CPOX: variants seen among roughly 807,000 people sequenced by gnomAD.
CPOX encodes coproporphyrinogen oxidase, also known as oxygen-dependent coproporphyrinogen-III oxidase, mitochondrial.
In CPOX, 24 loss-of-function variants were observed where a neutral mutation model predicts 48.9. That is an observed-to-expected ratio of 0.49 (90% CI 0.36 to 0.69). The LOEUF (loss-of-function observed/expected upper bound fraction) is 0.69. Ranked by LOEUF, CPOX falls within the 30% of genes least tolerant of loss-of-function variation. The pLI is 0.00. For missense variants in CPOX, 549 were observed against 597.3 expected (o/e 0.92, Z 0.84); for synonymous variants, 249 against 234.6 (o/e 1.06, Z -0.56).
At chr3:98,585,366 C>A (rs981611390) in intron 5 of CPOX, 75 bp downstream of exon 5, 10 of 1,154,854 alleles carry the variant, frequency 8.7e-6, no homozygotes, top group African/African-American at 1.5e-5. Context: ...TCTGACAACA[C>A]AACACCCGCT....
chr3:98,593,329 C>T lies in CPOX; in HGVS notation c.176G>A (p.Ser59Asn), dbSNP rs1354294983. The part of the protein sequence containing the change: ...RPPGPAGTEQ[S>N]RGLGHGSTSR... Reference sequence around the variant, plus strand: ...CGTCGAGCCGTGCCCCAGCCCGCGGCTCTGCTCCGTGCCAGCCGGGCCAGG... The same window carrying T: ...CGTCGAGCCGTGCCCCAGCCCGCGGTTCTGCTCCGTGCCAGCCGGGCCAGG... The change falls in exon 1 of 7, where the codon AGC becomes AAC. Residue 59 changes from serine (S) to asparagine (N), a missense_variant. Physicochemically the swap from Ser to Asn is conservative, Grantham distance 46 (BLOSUM62 1). This residue lies in a region of CPOX where 336 missense variants were observed against 318.1 expected (regional missense o/e 1.06). Coordinates refer to ENST00000647941, the MANE Select transcript of CPOX (RefSeq NM_000097.7). The T allele has an allele frequency of 7.2e-7, 1 of 1,392,094 alleles. No homozygotes were observed. The highest frequency in any genetic ancestry group is 3.6e-5 in the Admixed American group (1 of 27,860). 86.2% of individuals were successfully genotyped at this position (1,392,094 alleles called of 1,614,324 possible).
downstream of CPOX, among the ~76,000 whole-genome samples, chr3:98,578,797 TA>T (rs1176524901): frequency 6.6e-6 from 1 of 152,276 alleles, no homozygotes; most frequent in Non-Finnish European, 1.5e-5. Flanking sequence ...AGTATTTTAA[TA>T]TACGCATATA....
Position 98,593,088 on chromosome 3 carries a change from G to A in CPOX, c.417C>T (p.Gly139=), listed in dbSNP as rs1168049687. The part of the protein sequence containing the change: ...SFMAPPVTDL[G]ELRRRPGDMK... ...TGTCGCCCGGCCTCCTTCGCAGCTCGCCCAGGTCGGTCACAGGCGGGGCCA... is the reference window on the plus strand; with the variant it reads ...TGTCGCCCGGCCTCCTTCGCAGCTCACCCAGGTCGGTCACAGGCGGGGCCA... The change falls in exon 1 of 7, where the codon GGC becomes GGT. Residue 139 remains glycine (G), a synonymous_variant. Transcript: ENST00000647941. 10 of 1,613,722 alleles carry A rather than the reference G, an allele frequency of 6.2e-6. No homozygotes were observed. Among genetic ancestry groups the A allele is most frequent in the African/African-American group, 1.3e-5 (1 of 74,906 alleles).
chr3:98,581,035 G>A (rs1460131818), intron 6 of CPOX, among the ~76,000 whole-genome samples: 1 of 151,950 alleles, frequency 6.6e-6, no homozygotes, highest in Non-Finnish European at 1.5e-5. Context: ...ATATAAACCA[G>A]GGTTTCATAT....
Position 98,585,535 on chromosome 3 carries a change from C to A in CPOX, c.1078G>T (p.Ala360Ser). The A allele has an allele frequency of 6.2e-7, 1 of 1,614,080 alleles. No individual in the cohort carries two copies. The highest frequency in any genetic ancestry group is 8.5e-7 in the Non-Finnish European group (1 of 1,179,996). ...VFRFVQSCAR[A>S]VVPSYIPLVK... ...AGGGGAATGTAAGAAGGAACTACAG[C>A]CCTGGCACAGCTCTGTACAAAGCGA... is the stretch of plus-strand genomic sequence containing the variant. The change falls in exon 5 of 7, where the codon GCT becomes TCT. Residue 360 changes from alanine to serine, a missense_variant. By Grantham distance (99) the Ala-to-Ser change is moderately conservative (BLOSUM62 1). Around this residue, in one of 2 missense-constraint regions of CPOX, gnomAD observed 213 missense variants for 279.1 expected, o/e 0.76. Coordinates refer to ENST00000647941, the MANE Select transcript of CPOX (RefSeq NM_000097.7).
chr3:98,575,491 C>A (rs1707148552), downstream of CPOX, among the ~76,000 whole-genome samples: 1 of 152,192 alleles, frequency 6.6e-6, no homozygotes, highest in Admixed American at 6.5e-5. Context: ...TAGTGAATAT[C>A]CAGTATAAAA....
chr3:98,572,175 A>C, the CPOX span, among the ~76,000 whole-genome samples: 1 of 152,218 alleles, frequency 6.6e-6, no homozygotes, highest in Non-Finnish European at 1.5e-5. Context: ...ACAAGTGTGC[A>C]TCAGTCTAGC....
the CPOX span, among the ~76,000 whole-genome samples, chr3:98,570,993 A>T: frequency 6.6e-6 from 1 of 152,182 alleles, no homozygotes; most frequent in Non-Finnish European, 1.5e-5. Context: ...TCTTCACTCA[A>T]TGTCTGTGAT....
At chr3:98,575,732 C>T (rs1576294296), downstream of CPOX, among the ~76,000 whole-genome samples, 1 of 151,652 alleles carries the variant, frequency 6.6e-6, no homozygotes, top group East Asian at 1.9e-4. Context: ...GATTTCAAGA[C>T]CAGCCTGGCC....
At chr3:98,576,065 T>G (rs1400366277), downstream of CPOX, among the ~76,000 whole-genome samples, 1 of 87,490 alleles carries the variant, frequency 1.1e-5, no homozygotes, top group Non-Finnish European at 2.0e-5. Flanking sequence ...AGAGTGAAAC[T>G]CTGCCTCAAA....
downstream of CPOX, among the ~76,000 whole-genome samples, chr3:98,578,659 T>A (rs1186397998): frequency 6.6e-6 from 1 of 152,238 alleles, no homozygotes; most frequent in African/African-American, 2.4e-5. Context: ...AAAGCTTTGC[T>A]TTTTCTAGGT....
rs1424689527 is a variant in CPOX at position 98,590,709 on chromosome 3, G to C, written c.734C>G (p.Ser245Cys). 1 of 1,614,060 alleles carries C rather than the reference G, an allele frequency of 6.2e-7. No individual in the cohort carries two copies. The highest frequency in any genetic ancestry group is 1.7e-5 in the Admixed American group (1 of 60,028). The change falls in exon 3 of 7, where the codon TCT becomes TGT. Residue 245 changes from serine to cysteine, a missense_variant. Coordinates refer to ENST00000647941, the MANE Select transcript of CPOX (RefSeq NM_000097.7). ...KLPFCAMGVS[S>C]VIHPKNPHAP... ...ATGAGGATTCTTGGGGTGGATAACAGAGCTCACGCCCATAGCACAAAATGG... is the reference window on the plus strand; with the variant it reads ...ATGAGGATTCTTGGGGTGGATAACACAGCTCACGCCCATAGCACAAAATGG...
Position 98,585,615 on chromosome 3 carries a change from C to A in CPOX, c.998G>T (p.Gly333Val). The change falls in exon 5 of 7, where the codon GGC becomes GTC. Residue 333 changes from glycine to valine, a missense_variant. This residue lies in a region of CPOX where 213 missense variants were observed against 279.1 expected (regional missense o/e 0.76). Transcript: ENST00000647941. Reference sequence around the variant, plus strand: ...ATCATCAAAAAAGATACCACCAATGCCCCGCCGTTCTCCACGATGGGCTAT... The same window carrying A: ...ATCATCAAAAAAGATACCACCAATGACCCGCCGTTCTCCACGATGGGCTAT... ...FFIAHRGERRGIGGIFFDDLD... is the reference protein window; with the variant it reads ...FFIAHRGERRVIGGIFFDDLD... 1 of 1,614,054 alleles carries A rather than the reference C, an allele frequency of 6.2e-7. No homozygotes were observed. The highest frequency in any genetic ancestry group is 8.5e-7 in the Non-Finnish European group (1 of 1,180,004).
Position 98,591,103 on chromosome 3 carries a change from A to G in CPOX, c.609T>C (p.Ala203=), listed in dbSNP as rs1168545845. 2 of 1,614,150 alleles carry G rather than the reference A, an allele frequency of 1.2e-6. No homozygotes were observed. Among genetic ancestry groups the G allele is most frequent in the Non-Finnish European group, 1.7e-6 (2 of 1,180,008 alleles). Residue 203 remains alanine (A), a synonymous_variant, in exon 2 of 7, where the codon GCT becomes GCC. Coordinates refer to ENST00000647941, the MANE Select transcript of CPOX (RefSeq NM_000097.7). ...VLQDGCVFEK[A]GVSISVVHGN... ...CATGAACAACAGAAATGCTCACCCC[A>G]GCCTTTTCGAAAACACACCCATCTT...
At chr3:98,589,309 G>GA (rs1193517829) in intron 3 of CPOX, among the ~76,000 whole-genome samples, 2 of 152,014 alleles carry the variant, frequency 1.3e-5, no homozygotes, top group Non-Finnish European at 2.9e-5. Context: ...ACAAGAGTGA[G>GA]ACTCCATCTC....
intron 4 of CPOX, among the ~76,000 whole-genome samples, chr3:98,588,392 TC>T (rs1176915869): frequency 2.0e-5 from 3 of 152,196 alleles, no homozygotes; most frequent in Non-Finnish European, 4.4e-5. Flanking sequence ...ATAATAATTC[TC>T]ATCTGGAATA....
At chr3:98,591,981 ATATG>A (rs1164570246) in intron 1 of CPOX, among the ~76,000 whole-genome samples, 31 of 92,788 alleles carry the variant, frequency 3.3e-4, no homozygotes, top group African/African-American at 1.4e-3. Flanking sequence ...ATATATATAT[ATATG>A]TATATGGATA....
chr3:98,572,770 A>G, the CPOX span, among the ~76,000 whole-genome samples: 1 of 152,148 alleles, frequency 6.6e-6, no homozygotes, highest in Admixed American at 6.5e-5. Flanking sequence ...GCCAAGCTTT[A>G]TGGTCATTAT....
chr3:98,589,735 A>T (rs1707441616), intron 3 of CPOX: 1 of 152,302 alleles, frequency 6.6e-6, no homozygotes, highest in Non-Finnish European at 1.5e-5. Context: ...TTAAACATAA[A>T]AGGTTGAACC....
Sources: gnomAD v4.1 joint callset for allele counts (sites outside exome capture counted in the v4.1 genomes callset) on GRCh38, gnomAD v4.1.1 for gene constraint, gnomAD v4.1.1 regional missense constraint, MANE v1.5 for transcripts, NCBI Gene and HGNC (gene_info 2026-07-23, HGNC 2026-07-21) for gene names.